The following UVSSA variants were observed in gnomAD, a reference collection of about 807,000 sequenced individuals.
UVSSA encodes the protein UV-stimulated scaffold protein A.
UVSSA carries 72 observed loss-of-function variants against 73.9 expected under a neutral mutation model. The observed-to-expected ratio is 0.97, with a 90% CI of 0.81 to 1.19. UVSSA has a LOEUF of 1.19. Ranked by LOEUF, UVSSA falls within the 50% of genes most tolerant of loss-of-function variation. The pLI, the probability that UVSSA is intolerant of heterozygous loss-of-function variation, is 0.00. For synonymous variants in UVSSA, 454 were observed against 391.3 expected (o/e 1.16, Z -1.89); for missense variants, 1,150 against 965.0 (o/e 1.19, Z -2.54).
In UVSSA at chr4:1,353,177, G is replaced by T; in HGVS notation, c.698G>T (p.Gly233Val). The T allele has an allele frequency of 6.2e-7, 1 of 1,612,734 alleles. No homozygotes were observed. The change falls in exon 5 of 14, where the codon GGC becomes GTC. Residue 233 changes from glycine to valine, a missense_variant. Gly to Val is a moderately radical substitution (Grantham distance 109). Transcript: ENST00000389851. ...GATGCCCTTCGCTCCTCCTGCGCGG[G>T]CCAGGTGGGCCCCTGCCGGTCTGGC... The part of the protein sequence containing the change: ...MSDALRSSCA[G>V]QVGPCRSGTP...
In UVSSA at chr4:1,386,063, A is replaced by G. The variant is rs976224419; in HGVS notation, c.*102A>G. The G allele has an allele frequency of 5.2e-5, 63 of 1,203,884 alleles. No homozygotes were observed. The Admixed American group carries it at 1.1e-3, about 22-fold the overall frequency. The allele number at this position is 1,203,884 out of a possible 1,614,324, so 74.6% of individuals were successfully genotyped here. A position where few individuals can be genotyped will look rare whatever the true frequency, so the allele number is the denominator to read the frequency against. On this transcript the variant is annotated 3_prime_UTR_variant, in exon 14 of 14. Transcript: ENST00000389851. ...TCTGGGCAGTAACCATGCTTTGTCTATTACTGTGTTTGATGTAAAGAAATG... is the reference window on the plus strand; with the variant it reads ...TCTGGGCAGTAACCATGCTTTGTCTGTTACTGTGTTTGATGTAAAGAAATG...
chr4:1,380,702 C>G, intron 11 of UVSSA, 178 bp from the exon 12 acceptor site: 1 of 1,544,302 alleles, frequency 6.5e-7, no homozygotes, highest in Non-Finnish European at 8.7e-7. Context: ...TCCCCACGTC[C>G]CTGTGGCTCT....
At chr4:1,379,612 C>T (rs1719198558) in intron 10 of UVSSA, among the ~76,000 whole-genome samples, 1 of 152,230 alleles carries the variant, frequency 6.6e-6, no homozygotes, top group Non-Finnish European at 1.5e-5. Context: ...GTCCTTACGT[C>T]CCTGCAGTGG....
At chr4:1,352,535 C>T (rs560397907) in intron 4 of UVSSA, among the ~76,000 whole-genome samples, 20 of 152,342 alleles carry the variant, frequency 1.3e-4, no homozygotes, top group Admixed American at 4.6e-4. Context: ...GAGGTGCAGC[C>T]GTGTCCTGGG....
intron 8 of UVSSA, among the ~76,000 whole-genome samples, chr4:1,367,760 G>A (rs976696657): frequency 5.3e-5 from 8 of 152,042 alleles, no homozygotes; most frequent in African/African-American, 1.2e-4. Flanking sequence ...GGACCTGCAC[G>A]CCTCTCCCCA....
At chr4:1,377,713 G>A (rs981398019) in intron 10 of UVSSA, among the ~76,000 whole-genome samples, 3 of 152,202 alleles carry the variant, frequency 2.0e-5, no homozygotes, top group East Asian at 1.9e-4. Context: ...GTGAGGACCC[G>A]GTTAGTCCTG....
exon 14 of UVSSA, chr4:1,395,671 A>G (rs1720533637): frequency 1.2e-6 from 2 of 1,604,990 alleles, no homozygotes; most frequent in Admixed American, 1.7e-5. Flanking sequence ...GCCTGCTCAC[A>G]CACGTGCCCA....
At chr4:1,362,383 G>C (rs1716773571) in intron 7 of UVSSA, among the ~76,000 whole-genome samples, 1 of 152,240 alleles carries the variant, frequency 6.6e-6, no homozygotes, top group Non-Finnish European at 1.5e-5. Context: ...GCCCATTAGG[G>C]AAGGTGTGGG....
intron 7 of UVSSA, among the ~76,000 whole-genome samples, chr4:1,361,340 A>T (rs1415953581): frequency 2.6e-5 from 4 of 152,226 alleles, no homozygotes; most frequent in African/African-American, 9.6e-5. Context: ...CCTGGGTTAG[A>T]CGAGAATGGG....
chr4:1,368,487 G>C (rs939689504), intron 8 of UVSSA, among the ~76,000 whole-genome samples: 6 of 152,218 alleles, frequency 3.9e-5, no homozygotes, highest in Non-Finnish European at 2.9e-5. Context: ...AAACACAACG[G>C]TGACAGCGCT....
rs2109312591 is a variant in UVSSA at position 1,383,814 on chromosome 4, A to G, written c.1910A>G (p.Gln637Arg). Residue 637 changes from glutamine to arginine, a missense_variant, in exon 13 of 14, where the codon CAG (glutamine) becomes CGG (arginine). Physicochemically the swap from Gln to Arg is conservative, Grantham distance 43. Coordinates refer to ENST00000389851, the MANE Select transcript of UVSSA (RefSeq NM_020894.4). ...AGAGACGTGGAAGCAGCCACAGGGC[A>G]GGATCTCGGCTCATCCAGGTACAGC... The part of the protein sequence containing the change: ...LMRDVEAATG[Q>R]DLGSSRYSGK... 4 of 1,613,730 alleles carry G rather than the reference A, an allele frequency of 2.5e-6. No homozygotes were observed. Among genetic ancestry groups the G allele is most frequent in the Non-Finnish European group, 3.4e-6 (4 of 1,180,006 alleles).
At chr4:1,366,747 G>A (rs545994390) in intron 8 of UVSSA, among the ~76,000 whole-genome samples, 95 of 152,316 alleles carry the variant, frequency 6.2e-4, no homozygotes, top group African/African-American at 2.0e-3. Context: ...TCAGGTGCCC[G>A]GGTCTGGGAC....
Position 1,386,235 on chromosome 4 carries a change from T to A in UVSSA, c.*274T>A. The A allele has an allele frequency of 2.3e-6, 1 of 437,452 alleles. No individual in the cohort carries two copies. The highest frequency in any genetic ancestry group is 2.4e-5 in the South Asian group (1 of 42,042). 27.1% of individuals were successfully genotyped at this position (437,452 alleles called of 1,614,324 possible). The stretch of plus-strand genomic sequence containing the variant: ...CCCTGTTCCAGAGGGCTTCTGCGAG[T>A]CCTCGTGAGACCAGTGCTTGTCGTG... On this transcript the variant is annotated 3_prime_UTR_variant, in exon 14 of 14. Transcript: ENST00000389851.
chr4:1,361,513 T>C (rs1275795853), intron 7 of UVSSA, among the ~76,000 whole-genome samples: 1 of 152,280 alleles, frequency 6.6e-6, no homozygotes, highest in Non-Finnish European at 1.5e-5. Context: ...GTGCTGTGTC[T>C]GTGTCCAGCA....
Position 1,380,133 on chromosome 4 carries a change from G to A in UVSSA, c.1655G>A (p.Arg552His), listed in dbSNP as rs368030696. Residue 552 changes from arginine (R) to histidine (H), a missense_variant, in exon 11 of 14, where the codon CGC becomes CAC. Physicochemically the swap from Arg to His is conservative, Grantham distance 29 (BLOSUM62 0). Coordinates refer to ENST00000389851, the MANE Select transcript of UVSSA (RefSeq NM_020894.4). ...NADISEMLRS[R>H]HITFAGKFEP... Reference sequence around the variant, plus strand: ...GACATCTCCGAGATGCTCCGGAGCCGCCACATCACTTTTGCCGGGAAGTTT... The same window carrying A: ...GACATCTCCGAGATGCTCCGGAGCCACCACATCACTTTTGCCGGGAAGTTT... The A allele has an allele frequency of 1.1e-4, 182 of 1,613,204 alleles. 4 individuals carry two copies. In the South Asian group the frequency reaches 1.7e-3, roughly 15 times the overall value.
chr4:1,376,834 T>C (rs1297026870), intron 10 of UVSSA, among the ~76,000 whole-genome samples: 1 of 152,126 alleles, frequency 6.6e-6, no homozygotes, highest in Non-Finnish European at 1.5e-5. Context: ...AGGACGGTTC[T>C]CCACACCCGG....
At chr4:1,372,048 C>T (rs1395618280) in intron 8 of UVSSA, among the ~76,000 whole-genome samples, 1 of 152,236 alleles carries the variant, frequency 6.6e-6, no homozygotes, top group Non-Finnish European at 1.5e-5. Flanking sequence ...TTGTTTATTA[C>T]ACCTTCAAGC....
chr4:1,391,231 T>G (rs1009527625), downstream of UVSSA: 30 of 151,140 alleles, frequency 2.0e-4, no homozygotes, highest in African/African-American at 6.9e-4. Context: ...GGGTCAGAGG[T>G]TGGTGTGTGT....
chr4:1,370,281 G>A (rs750091856), intron 8 of UVSSA, among the ~76,000 whole-genome samples: 8 of 152,180 alleles, frequency 5.3e-5, no homozygotes, highest in African/African-American at 1.7e-4. Context: ...GTGTGCATGC[G>A]TGTGCTGACA....
Sources: allele counts gnomAD v4.1 joint callset (sites outside exome capture counted in the v4.1 genomes callset), GRCh38; gene constraint gnomAD v4.1.1; transcripts MANE v1.5; gene names NCBI Gene and HGNC (gene_info 2026-07-23, HGNC 2026-07-21).